The following PITPNM3 variants were observed in gnomAD, a reference collection of about 807,000 sequenced individuals.
PITPNM3 encodes membrane-associated phosphatidylinositol transfer protein 3.
PITPNM3 carries 26 observed loss-of-function variants against 102.0 expected under a neutral mutation model. The ratio of observed to expected loss-of-function variants is 0.25; its 90% CI spans 0.19 to 0.35. The LOEUF (loss-of-function observed/expected upper bound fraction) is 0.35, where lower values mean the gene tolerates loss of function less well. Ranked by LOEUF, PITPNM3 falls within the 10% of genes least tolerant of loss-of-function variation. PITPNM3 has a pLI of 1.00. For synonymous variants in PITPNM3, 578 were observed against 558.6 expected, an observed-to-expected ratio of 1.03 and a Z score of -0.49; for missense variants, 1,083 against 1,346.1, an observed-to-expected ratio of 0.80 and a Z score of 3.06.
At chr17:6,456,455 C>CT (rs966210829) in intron 19 of PITPNM3, among the ~76,000 whole-genome samples, 64 of 152,194 alleles carry the variant, frequency 4.2e-4, no homozygotes, top group African/African-American at 1.5e-3. Context: ...GCCAGTCCTT[C>CT]TGGCTGTGTC....
chr17:6,525,546 T>C (rs1236459851), intron 2 of PITPNM3, 83 bp from the exon 3 acceptor site: 3 of 998,270 alleles, frequency 3.0e-6, no homozygotes, highest in African/African-American at 1.6e-5. Flanking sequence ...TGAGGGACAT[T>C]TTCTCTTGTC....
chr17:6,483,692 T>G lies in PITPNM3; in HGVS notation c.412A>C (p.Asn138His). ...TCCCCGGCACCCGTGTCCAGGATGT[T>G]TCCCCCATGCAGGACCAGCAGGAGG... is the stretch of plus-strand genomic sequence containing the variant. Reference protein sequence around the residue: ...HVLLLVLHGGNILDTGAGDPS... With the variant: ...HVLLLVLHGGHILDTGAGDPS... The change falls in exon 6 of 20, where the codon AAC (asparagine) becomes CAC (histidine). Residue 138 changes from asparagine (N) to histidine (H), a missense_variant. By Grantham distance (68) the Asn-to-His change is moderately conservative. Coordinates refer to ENST00000262483, the MANE Select transcript of PITPNM3 (RefSeq NM_031220.4). 1 of 1,614,042 alleles carries G rather than the reference T, an allele frequency of 6.2e-7. No individual in the cohort carries two copies. Among genetic ancestry groups the G allele is most frequent in the Non-Finnish European group, 8.5e-7 (1 of 1,180,018 alleles).
At chr17:6,461,024 T>G in intron 18 of PITPNM3, 1 of 360,544 alleles carries the variant, frequency 2.8e-6, no homozygotes, top group Non-Finnish European at 5.3e-6. Context: ...GCCCCCCTGG[T>G]TCTGTTTGTC....
chr17:6,499,140 A>G (rs549638913), intron 4 of PITPNM3, among the ~76,000 whole-genome samples: 3 of 151,812 alleles, frequency 2.0e-5, no homozygotes, highest in Non-Finnish European at 4.4e-5. Context: ...CCAAGCCCCC[A>G]CACACAATGG....
intron 2 of PITPNM3, among the ~76,000 whole-genome samples, chr17:6,531,404 A>C (rs1257888374): frequency 6.6e-6 from 1 of 152,190 alleles, no homozygotes; most frequent in Non-Finnish European, 1.5e-5. Context: ...ATAGCCAGGA[A>C]CCCTGGGAAA....
chr17:6,522,316 A>G (rs1387155086), intron 3 of PITPNM3, among the ~76,000 whole-genome samples: 1 of 151,148 alleles, frequency 6.6e-6, no homozygotes, highest in Non-Finnish European at 1.5e-5. Context: ...ACACACACAG[A>G]GCAGAATTAA....
At chr17:6,487,706 A>G (rs545918789) in intron 4 of PITPNM3, among the ~76,000 whole-genome samples, 7 of 152,318 alleles carry the variant, frequency 4.6e-5, no homozygotes, top group Admixed American at 2.6e-4. Context: ...CACCCATTAC[A>G]AAGGCCAAGG....
intron 4 of PITPNM3, among the ~76,000 whole-genome samples, chr17:6,489,260 T>A (rs1414036246): frequency 6.6e-6 from 1 of 151,984 alleles, no homozygotes; most frequent in Non-Finnish European, 1.5e-5. Context: ...TCCACAGGGG[T>A]GGATGCTGAG....
rs750279198 is a variant in PITPNM3 at position 6,464,187 on chromosome 17, A to G, written c.2139T>C (p.Pro713=). 2 of 1,614,194 alleles carry G rather than the reference A, an allele frequency of 1.2e-6. No individual in the cohort carries two copies. Among genetic ancestry groups the G allele is most frequent in the Non-Finnish European group, 1.7e-6 (2 of 1,180,022 alleles). Residue 713 remains proline (P), a synonymous_variant, in exon 16 of 20, where the codon CCT becomes CCC. Transcript: ENST00000262483. ...GGTCTTACCTGACGACCATCTTCAC[A>G]GGATAGACACCAACCCCCAGGCGCC... ...RPRRLGVGVY[P]VKMVVRGDQT... is the part of the protein sequence containing the mutation.
chr17:6,539,564 T>C (rs1250779638), intron 1 of PITPNM3, among the ~76,000 whole-genome samples: 1 of 151,650 alleles, frequency 6.6e-6, no homozygotes, highest in Non-Finnish European at 1.5e-5. Flanking sequence ...ATACAAGAAA[T>C]GAACTGAAAT....
intron 3 of PITPNM3, among the ~76,000 whole-genome samples, chr17:6,515,397 C>CAAAAA (rs61420968): frequency 2.8e-4 from 23 of 82,112 alleles, no homozygotes; most frequent in East Asian, 6.2e-4. Context: ...GACTCCATCT[C>CAAAAA]AAAAAAAAAA....
Position 6,471,181 on chromosome 17 carries a change from G to A in PITPNM3, c.1604C>T (p.Ala535Val), listed in dbSNP as rs1905051816. ...CTCACTGCGGGAGGCACCCACGGGT[G>A]CCATGCTGTCCGAGGACTCCGAGCT... is the stretch of plus-strand genomic sequence containing the variant. ...SESSESSDSM[A>V]PVGASRITAK... The change falls in exon 12 of 20, where the codon GCA becomes GTA. Residue 535 changes from alanine (A) to valine (V), a missense_variant. Coordinates refer to ENST00000262483, the MANE Select transcript of PITPNM3 (RefSeq NM_031220.4). 2 of 1,612,730 alleles carry A rather than the reference G, an allele frequency of 1.2e-6. No homozygotes were observed. Among genetic ancestry groups the A allele is most frequent in the Non-Finnish European group, 1.7e-6 (2 of 1,179,988 alleles).
Position 6,459,403 on chromosome 17 carries a change from C to A in PITPNM3, c.2491-1681G>T, listed in dbSNP as rs1904346079. ...CACTCTCCTCCTGGTTCCTCAGCTG[C>A]TCCTTGTGCTGCTCTCAGTGGCCCA... On this transcript the variant is annotated intron_variant, in intron 18 of 19. Transcript: ENST00000262483. The surrounding 1 kb of genome is among the most constrained non-coding windows in gnomAD (Gnocchi z 5.0). 6.6e-6 allele frequency among the ~76,000 whole-genome samples: 1 copy of A among 151,988 alleles called. No individual in the cohort carries two copies. The highest frequency in any genetic ancestry group is 1.5e-5 in the Non-Finnish European group (1 of 68,006).
intron 3 of PITPNM3, among the ~76,000 whole-genome samples, chr17:6,511,815 C>A (rs897663176): frequency 1.3e-5 from 2 of 152,118 alleles, no homozygotes; most frequent in Admixed American, 6.5e-5. Flanking sequence ...AACCCCATCT[C>A]TACTAAAAAT....
chr17:6,460,393 A>T (rs556774879), intron 18 of PITPNM3, among the ~76,000 whole-genome samples: 1 of 152,292 alleles, frequency 6.6e-6, no homozygotes, highest in South Asian at 2.1e-4. Flanking sequence ...TTTCAACCAC[A>T]CACCAGTAGT....
At chr17:6,480,052 A>G (rs1905567975) in intron 6 of PITPNM3, 2 of 152,210 alleles carry the variant, frequency 1.3e-5, no homozygotes, top group South Asian at 2.1e-4. Flanking sequence ...TATCAGAGTG[A>G]CAAGGGAACA....
intron 4 of PITPNM3, among the ~76,000 whole-genome samples, chr17:6,485,914 C>T (rs1024356609): frequency 1.3e-5 from 2 of 152,200 alleles, no homozygotes; most frequent in African/African-American, 2.4e-5. Context: ...CTATGGCAGG[C>T]GGCTTTTGTG....
intron 4 of PITPNM3, among the ~76,000 whole-genome samples, chr17:6,498,006 C>T (rs528224022): frequency 1.3e-5 from 2 of 152,334 alleles, no homozygotes; most frequent in East Asian, 1.9e-4. Context: ...TGCCTCCTCC[C>T]ACCGGACGTT....
intron 3 of PITPNM3, among the ~76,000 whole-genome samples, chr17:6,514,990 C>T (rs1418249334): frequency 3.9e-5 from 6 of 152,160 alleles, no homozygotes; most frequent in Admixed American, 3.9e-4. Context: ...AAAGTAGTCA[C>T]ACACAAAAGG....
Sources: allele counts gnomAD v4.1 joint callset (sites outside exome capture counted in the v4.1 genomes callset), GRCh38; gene constraint gnomAD v4.1.1; non-coding constraint Gnocchi (gnomAD v3.1); transcripts MANE v1.5; gene names NCBI Gene and HGNC (gene_info 2026-07-23, HGNC 2026-07-21).